The following MAGI2 variants were observed in gnomAD, a reference collection of about 807,000 sequenced individuals.
MAGI2 encodes membrane associated guanylate kinase, WW and PDZ domain containing 2.
A neutral mutation model predicts 133.3 loss-of-function variants in MAGI2; 35 were observed. That is an observed-to-expected ratio of 0.26 (90% CI 0.20 to 0.35). MAGI2 has a LOEUF of 0.35. Among genes scored for constraint, MAGI2 ranks in the 10% least tolerant of loss-of-function variants. The probability of loss-of-function intolerance (pLI) is 1.00; values close to 1 mark genes in which losing one functional copy is unlikely to be tolerated. For synonymous variants in MAGI2, 729 were observed against 710.6 expected (o/e 1.03, Z -0.41); for missense variants, 1,636 against 1,863.4 (o/e 0.88, Z 2.25).
At chr7:79,338,879 G>A (rs1044806935) in intron 1 of MAGI2, among the ~76,000 whole-genome samples, 12 of 152,074 alleles carry the variant, frequency 7.9e-5, no homozygotes, top group African/African-American at 2.9e-4. Flanking sequence ...AAGGGATAAT[G>A]CTTCCATGAT....
intron 1 of MAGI2, among the ~76,000 whole-genome samples, chr7:79,222,000 T>A (rs1312982816): frequency 1.3e-5 from 2 of 152,120 alleles, no homozygotes; most frequent in Non-Finnish European, 2.9e-5. Context: ...ATAAAACAGC[T>A]CACCCACTCA....
intron 1 of MAGI2, among the ~76,000 whole-genome samples, chr7:79,135,574 C>T (rs1821313650): frequency 1.3e-5 from 2 of 152,226 alleles, no homozygotes; most frequent in South Asian, 4.2e-4. Flanking sequence ...CTCTGCTTCC[C>T]CTGCCTGTTG....
chr7:79,035,949 T>C (rs528615365), intron 1 of MAGI2, among the ~76,000 whole-genome samples: 2 of 152,338 alleles, frequency 1.3e-5, no homozygotes, highest in South Asian at 2.1e-4. Context: ...CTGAATAATT[T>C]AAAAATTGTT....
chr7:78,721,511 A>C (rs1441470917), intron 2 of MAGI2, among the ~76,000 whole-genome samples: 2 of 152,028 alleles, frequency 1.3e-5, no homozygotes, highest in Non-Finnish European at 2.9e-5. Flanking sequence ...CCCTTATCAC[A>C]GAGGCAGGTC....
chr7:78,654,749 A>ATATATG (rs1491177965), intron 2 of MAGI2, among the ~76,000 whole-genome samples: 5 of 97,824 alleles, frequency 5.1e-5, no homozygotes, highest in Admixed American at 2.2e-4. Flanking sequence ...ATATATATAT[A>ATATATG]GCATATATTT....
chr7:79,266,669 T>C (rs951736083), intron 1 of MAGI2, among the ~76,000 whole-genome samples: 1 of 152,174 alleles, frequency 6.6e-6, no homozygotes, highest in Non-Finnish European at 1.5e-5. Flanking sequence ...TTTTTCTTAA[T>C]AGTCTTTAAG....
chr7:79,004,536 A>G (rs1807238774), intron 2 of MAGI2, among the ~76,000 whole-genome samples: 1 of 152,196 alleles, frequency 6.6e-6, no homozygotes. Flanking sequence ...ATTATTTGGC[A>G]GAAGAGTAGA....
At chr7:79,450,112 G>A (rs1449496869) in intron 1 of MAGI2, among the ~76,000 whole-genome samples, 1 of 151,632 alleles carries the variant, frequency 6.6e-6, no homozygotes, top group African/African-American at 2.4e-5. Flanking sequence ...GATAATTCTT[G>A]TAGTTTCTGT....
At chr7:78,702,396 C>T (rs1818170428) in intron 2 of MAGI2, among the ~76,000 whole-genome samples, 1 of 151,840 alleles carries the variant, frequency 6.6e-6, no homozygotes, top group Non-Finnish European at 1.5e-5. Flanking sequence ...ATTCCTAATA[C>T]TTCTTGATTT....
At chr7:78,178,406 G>C (rs925085205) in intron 13 of MAGI2, among the ~76,000 whole-genome samples, 6 of 152,120 alleles carry the variant, frequency 3.9e-5, no homozygotes, top group African/African-American at 1.4e-4. Flanking sequence ...ATTTTCCTGA[G>C]AGCATTCAGA....
chr7:79,355,375 G>GA (rs1841957094), intron 1 of MAGI2, among the ~76,000 whole-genome samples: 1 of 152,216 alleles, frequency 6.6e-6, no homozygotes, highest in Non-Finnish European at 1.5e-5. Context: ...AACAGGAGGG[G>GA]AGAGAGTAGG....
intron 17 of MAGI2, chr7:78,134,748 T>C (rs1821926670): frequency 1.6e-5 from 5 of 311,616 alleles, no homozygotes; most frequent in Admixed American, 9.1e-5. Context: ...CAGGGAATGA[T>C]TGAATAACCT....
chr7:78,123,215 G>C (rs1820635119), intron 20 of MAGI2, among the ~76,000 whole-genome samples: 2 of 152,044 alleles, frequency 1.3e-5, no homozygotes, highest in African/African-American at 4.8e-5. Context: ...ATTAACTGAT[G>C]TTGAAAAACC....
intron 1 of MAGI2, among the ~76,000 whole-genome samples, chr7:79,055,323 G>T (rs1309085842): frequency 2.0e-5 from 3 of 151,972 alleles, no homozygotes; most frequent in Non-Finnish European, 4.4e-5. Context: ...AGCACAAGAG[G>T]CAGTAACTGT....
chr7:79,268,939 T>C (rs1479370526), intron 1 of MAGI2, among the ~76,000 whole-genome samples: 5 of 152,188 alleles, frequency 3.3e-5, no homozygotes, highest in Admixed American at 2.0e-4. Context: ...CATCAAATAA[T>C]GCCTTGTTTA....
chr7:78,534,678 G>T (rs2150637797), intron 3 of MAGI2, among the ~76,000 whole-genome samples: 1 of 152,286 alleles, frequency 6.6e-6, no homozygotes, highest in African/African-American at 2.4e-5. Flanking sequence ...AAACCTAATT[G>T]AAGGTAGAAC....
chr7:78,734,729 G>T (rs1821685357), intron 2 of MAGI2, among the ~76,000 whole-genome samples: 1 of 152,058 alleles, frequency 6.6e-6, no homozygotes, highest in African/African-American at 2.4e-5. Flanking sequence ...TAGACTGTTG[G>T]TCCCAGGAAA....
intron 14 of MAGI2, among the ~76,000 whole-genome samples, chr7:78,172,696 A>G (rs727911): frequency 0.86 from 130,292 of 152,176 alleles, 56,106 homozygotes; most frequent in African/African-American, 0.96. Context: ...TCGTATATAC[A>G]GAGGCAGAAA....
intron 1 of MAGI2, among the ~76,000 whole-genome samples, chr7:79,265,260 CCT>C (rs1834361120): frequency 6.6e-6 from 1 of 151,952 alleles, no homozygotes; most frequent in South Asian, 2.1e-4. Flanking sequence ...TGCGGTGGGC[CCT>C]GAGTCCAACA....
Sources: gnomAD v4.1 joint callset for allele counts (sites outside exome capture counted in the v4.1 genomes callset) on GRCh38, gnomAD v4.1.1 for gene constraint, MANE v1.5 for transcripts, NCBI Gene and HGNC (gene_info 2026-07-23, HGNC 2026-07-21) for gene names.